The following PRKAR2A variants were observed in gnomAD, a reference collection of about 807,000 sequenced individuals.
PRKAR2A encodes the protein cAMP-dependent protein kinase type II-alpha regulatory subunit.
A neutral mutation model predicts 51.9 loss-of-function variants in PRKAR2A; 29 were observed. The ratio of observed to expected loss-of-function variants is 0.56; its 90% CI spans 0.42 to 0.76. The LOEUF (loss-of-function observed/expected upper bound fraction) is 0.76, where lower values mean the gene tolerates loss of function less well. Among genes scored for constraint, PRKAR2A ranks in the 30% least tolerant of loss-of-function variants. The pLI is 0.00. For missense variants in PRKAR2A, 445 were observed against 512.1 expected (o/e 0.87, Z 1.26); for synonymous variants, 178 against 186.2 (o/e 0.96, Z 0.36).
intron 6 of PRKAR2A, among the ~76,000 whole-genome samples, chr3:48,767,405 G>C (rs539930136): frequency 1.3e-5 from 2 of 152,200 alleles, no homozygotes; most frequent in African/African-American, 2.4e-5. Flanking sequence ...CTTGAACCTG[G>C]GAGGCAGAGG....
intron 6 of PRKAR2A, among the ~76,000 whole-genome samples, chr3:48,769,009 A>C (rs1254843616): frequency 1.3e-5 from 2 of 151,626 alleles, no homozygotes; most frequent in Non-Finnish European, 2.9e-5. Context: ...CTGAGGCAGG[A>C]GAATTGCTTG....
chr3:48,768,346 GACAGAC>G (rs2081973633), intron 6 of PRKAR2A, among the ~76,000 whole-genome samples: 2 of 133,840 alleles, frequency 1.5e-5, no homozygotes, highest in Admixed American at 1.6e-4. Context: ...GATAGATATA[GACAGAC>G]AGAGAGACAG....
chr3:48,763,815 TCCTA>T (rs1197160792), intron 8 of PRKAR2A, among the ~76,000 whole-genome samples: 5 of 152,206 alleles, frequency 3.3e-5, no homozygotes, highest in African/African-American at 9.7e-5. Flanking sequence ...TCATATCTGG[TCCTA>T]CCTATCTTAA....
chr3:48,846,381 TA>T (rs1338759351), intron 1 of PRKAR2A, among the ~76,000 whole-genome samples: 1 of 151,052 alleles, frequency 6.6e-6, no homozygotes, highest in Non-Finnish European at 1.5e-5. Flanking sequence ...CACGCCCGGC[TA>T]ATTTTTGTAT....
At chr3:48,781,137 ATTTTTT>A (rs71077735) in intron 5 of PRKAR2A, among the ~76,000 whole-genome samples, 1 of 124,324 alleles carries the variant, frequency 8.0e-6, no homozygotes. Context: ...TGCCTGGCTA[ATTTTTT>A]TTTTTTTTTT....
chr3:48,808,381 G>A (rs1019250628), intron 1 of PRKAR2A, among the ~76,000 whole-genome samples: 1 of 152,080 alleles, frequency 6.6e-6, no homozygotes, highest in African/African-American at 2.4e-5. Context: ...AGCCTCCCCA[G>A]TAGCTGGGAC....
intron 1 of PRKAR2A, among the ~76,000 whole-genome samples, chr3:48,827,897 T>C (rs1371254659): frequency 2.0e-5 from 3 of 152,288 alleles, no homozygotes; most frequent in East Asian, 3.9e-4. Flanking sequence ...AGTCTTGCCC[T>C]GTCACCTAGG....
At chr3:48,846,913 A>G (rs1397081961) in intron 1 of PRKAR2A, among the ~76,000 whole-genome samples, 1 of 152,248 alleles carries the variant, frequency 6.6e-6, no homozygotes, top group East Asian at 1.9e-4. Flanking sequence ...GTCTATGCTT[A>G]AAAGTTTTCA....
intron 1 of PRKAR2A, among the ~76,000 whole-genome samples, chr3:48,821,192 T>C (rs1338689856): frequency 6.6e-6 from 1 of 152,116 alleles, no homozygotes; most frequent in East Asian, 1.9e-4. Flanking sequence ...GTGGTGGGGA[T>C]TGTGGGTCAA....
chr3:48,798,771 G>A (rs1243187355), intron 2 of PRKAR2A, among the ~76,000 whole-genome samples: 2 of 150,394 alleles, frequency 1.3e-5, no homozygotes, highest in African/African-American at 4.9e-5. Context: ...GGTGATTCTC[G>A]TGCCTCAGCC....
intron 2 of PRKAR2A, among the ~76,000 whole-genome samples, chr3:48,798,778 A>G (rs1389802011): frequency 6.6e-6 from 1 of 151,270 alleles, no homozygotes; most frequent in Non-Finnish European, 1.5e-5. Context: ...CTCGTGCCTC[A>G]GCCTCCTGAG....
intron 5 of PRKAR2A, among the ~76,000 whole-genome samples, chr3:48,776,544 T>TA (rs1273318603): frequency 6.6e-6 from 1 of 151,952 alleles, no homozygotes; most frequent in Non-Finnish European, 1.5e-5. Flanking sequence ...ATATATATAA[T>TA]AATAATGACA....
chr3:48,754,826 G>C (rs2107198147), intron 9 of PRKAR2A, among the ~76,000 whole-genome samples: 1 of 151,046 alleles, frequency 6.6e-6, no homozygotes, highest in Middle Eastern at 3.4e-3. Flanking sequence ...TGAGGCACGA[G>C]AATCGATTGA....
intron 4 of PRKAR2A, among the ~76,000 whole-genome samples, chr3:48,787,005 A>G (rs1222155291): frequency 6.6e-6 from 1 of 152,114 alleles, no homozygotes; most frequent in Non-Finnish European, 1.5e-5. Context: ...ACTAACTAGT[A>G]CTCTTCAAAG....
At chr3:48,757,873 T>C (rs1357908105) in intron 8 of PRKAR2A, among the ~76,000 whole-genome samples, 1 of 151,446 alleles carries the variant, frequency 6.6e-6, no homozygotes, top group African/African-American at 2.4e-5. Flanking sequence ...CTGACCAACA[T>C]GGTGAAGCCC....
At chr3:48,759,384 CTTT>C (rs1246199187) in intron 8 of PRKAR2A, among the ~76,000 whole-genome samples, 2 of 138,274 alleles carry the variant, frequency 1.4e-5, no homozygotes. Flanking sequence ...CATCCTGCCC[CTTT>C]TTTTTTTTTT....
chr3:48,847,606 G>A lies in PRKAR2A; in HGVS notation c.-10C>T, dbSNP rs2083491176. On this transcript the variant is annotated 5_prime_UTR_variant, in exon 1 of 11. Transcript: ENST00000265563. This position sits in a 1 kb window ranked among gnomAD's most constrained non-coding sequence, Gnocchi z 4.4. ...TCTGGATGTGGCTCATGCCGGCGGC[G>A]GCCGAAGGGATAGACGGGTTGGGCC... 1.4e-6 allele frequency: 2 copies of A among 1,471,826 alleles called. No homozygotes were observed. The highest frequency in any genetic ancestry group is 8.9e-7 in the Non-Finnish European group (1 of 1,119,020). The allele number at this position is 1,471,826 out of a possible 1,614,324, so 91.2% of individuals were successfully genotyped here.
chr3:48,823,346 G>A (rs2083002176), intron 1 of PRKAR2A, among the ~76,000 whole-genome samples: 1 of 151,944 alleles, frequency 6.6e-6, no homozygotes, highest in Non-Finnish European at 1.5e-5. Flanking sequence ...TACGGGTTGA[G>A]CCCTCAACCT....
chr3:48,812,609 A>G (rs564499642), intron 1 of PRKAR2A, among the ~76,000 whole-genome samples: 3 of 151,646 alleles, frequency 2.0e-5, no homozygotes, highest in Admixed American at 2.0e-4. Context: ...CAGCCTCCTG[A>G]GTAGCTGGGA....
Sources: allele counts gnomAD v4.1 joint callset (sites outside exome capture counted in the v4.1 genomes callset), GRCh38; gene constraint gnomAD v4.1.1; non-coding constraint Gnocchi (gnomAD v3.1); transcripts MANE v1.5; gene names NCBI Gene and HGNC (gene_info 2026-07-23, HGNC 2026-07-21).